NOMO1: variants seen among roughly 807,000 people sequenced by gnomAD.
The protein encoded by NOMO1 is nodal modulator 3.
A neutral mutation model predicts 133.8 loss-of-function variants in NOMO1; 40 were observed. That is an observed-to-expected ratio of 0.30 (90% confidence interval 0.23 to 0.39). The LOEUF is 0.39. Ranked by LOEUF, NOMO1 falls within the 10% of genes least tolerant of loss-of-function variation. The probability of loss-of-function intolerance (pLI) is 1.00; values close to 1 mark genes in which losing one functional copy is unlikely to be tolerated. For synonymous variants in NOMO1, 236 were observed against 570.5 expected, an observed-to-expected ratio of 0.41 and a Z score of 8.36; for missense variants, 462 against 1,419.9, an observed-to-expected ratio of 0.33 and a Z score of 10.84.
intron 29 of NOMO1, among the ~76,000 whole-genome samples, chr16:14,893,637 C>T (rs985985633): frequency 5.3e-5 from 8 of 151,610 alleles, no homozygotes; most frequent in African/African-American, 1.5e-4. Flanking sequence ...GGTACAGCGG[C>T]GCCCACAGTC....
chr16:14,890,592 A>C (rs981294971), intron 29 of NOMO1, among the ~76,000 whole-genome samples: 1 of 59,500 alleles, frequency 1.7e-5, no homozygotes, highest in African/African-American at 4.0e-5. Flanking sequence ...ATAAACAACA[A>C]ACATTTATTT....
At chr16:14,893,361 AT>A (rs1215810851) in intron 29 of NOMO1, among the ~76,000 whole-genome samples, 3 of 151,220 alleles carry the variant, frequency 2.0e-5, no homozygotes, top group Non-Finnish European at 2.9e-5. Flanking sequence ...CTAATTTTGT[AT>A]TTTTATAGAG....
At chr16:14,840,703 C>G (rs1303651960) in intron 2 of NOMO1, among the ~76,000 whole-genome samples, 2 of 149,172 alleles carry the variant, frequency 1.3e-5, no homozygotes, top group African/African-American at 2.5e-5. Context: ...CCTCCGCTGC[C>G]CATGCTGGAG....
chr16:14,842,445 AGCCCT>A (rs1963618862), intron 3 of NOMO1, among the ~76,000 whole-genome samples: 1 of 149,416 alleles, frequency 6.7e-6, no homozygotes, highest in Non-Finnish European at 1.5e-5. Context: ...AGAGGAATGC[AGCCCT>A]GCTCATGGCC....
At chr16:14,839,175 C>T (rs1220114319) in intron 2 of NOMO1, among the ~76,000 whole-genome samples, 1 of 151,816 alleles carries the variant, frequency 6.6e-6, no homozygotes, top group East Asian at 1.9e-4. Flanking sequence ...CTTCCTCAGC[C>T]TCCCAAATAG....
rs1187670893 is a variant in NOMO1 at position 14,841,724 on chromosome 16, C to T, written c.301+317C>T. Among the ~76,000 whole-genome samples the T allele has an allele frequency of 2.6e-5, 4 of 151,814 alleles. 1 individual carries two copies. Among genetic ancestry groups the T allele is most frequent in the South Asian group, 4.2e-4 (2 of 4,800 alleles). On this transcript the variant is annotated intron_variant, in intron 3 of 30. Transcript: ENST00000287667. Reference sequence around the variant, plus strand: ...AAATCAAGAGTGGGGACTTGGTTCCCGTCCCAGGATGGCTTCTTTTTTAGC... The same window carrying T: ...AAATCAAGAGTGGGGACTTGGTTCCTGTCCCAGGATGGCTTCTTTTTTAGC...
chr16:14,883,963 G>A (rs1215634091), intron 26 of NOMO1, among the ~76,000 whole-genome samples: 2 of 150,554 alleles, frequency 1.3e-5, no homozygotes, highest in Admixed American at 6.6e-5. Context: ...ATGTTGGCAA[G>A]TAATTCAAAC....
At chr16:14,891,839 T>C (rs530308834) in intron 29 of NOMO1, among the ~76,000 whole-genome samples, 112 of 152,230 alleles carry the variant, frequency 7.4e-4, no homozygotes, top group Non-Finnish European at 1.4e-3. Flanking sequence ...TGAAGAGTGA[T>C]TCATGCTCAG....
chr16:14,885,063 T>C (rs1964303629), intron 27 of NOMO1, among the ~76,000 whole-genome samples: 1 of 151,904 alleles, frequency 6.6e-6, no homozygotes, highest in African/African-American at 2.4e-5. Context: ...AAGAGAGAGT[T>C]GGGGCATGGT....
At chr16:14,888,713 A>G in intron 28 of NOMO1, 1 of 324,368 alleles carries the variant, frequency 3.1e-6, no homozygotes. Context: ...GTCCCTTTGA[A>G]GTCAGCCCCG....
Position 14,889,085 on chromosome 16 carries a change from T to A in NOMO1, c.3325-11T>A. The A allele has an allele frequency of 1.2e-6, 2 of 1,611,838 alleles. No homozygotes were observed. Among genetic ancestry groups the A allele is most frequent in the South Asian group, 2.2e-5 (2 of 90,956 alleles). On this transcript the variant is annotated splice_polypyrimidine_tract_variant and intron_variant, in intron 28 of 30. Transcript: ENST00000287667. ...TCCTTGTAAAAATAACTTCTTCCCA[T>A]GTGTGCACAGAACTATGTTGTGCTT...
At chr16:14,892,609 TAAAAA>T (rs757049459) in intron 29 of NOMO1, among the ~76,000 whole-genome samples, 1 of 105,820 alleles carries the variant, frequency 9.5e-6, no homozygotes. Context: ...AAAGTATAAT[TAAAAA>T]AAAAAAAAAA....
Position 14,845,581 on chromosome 16 carries a change from C to T in NOMO1, c.402+807C>T, listed in dbSNP as rs968740995. The stretch of plus-strand genomic sequence containing the variant: ...CTAATGGGTGTGTGCCCAGCTCCCG[C>T]GATTCAGATTCTCAGGGGAGAGTCA... On this transcript the variant is annotated intron_variant, in intron 4 of 30. Transcript: ENST00000287667. Among the ~76,000 whole-genome samples, 77 of 152,028 alleles carry T rather than the reference C, an allele frequency of 5.1e-4. 1 individual carries two copies. Among genetic ancestry groups the T allele is most frequent in the Middle Eastern group, 3.4e-3 (1 of 294 alleles).
chr16:14,851,083 C>CA lies in NOMO1; in HGVS notation c.583-1329dup, dbSNP rs61323903. Among the ~76,000 whole-genome samples, 88 of 97,194 alleles carry CA rather than the reference C, an allele frequency of 9.1e-4. No individual in the cohort carries two copies. In the South Asian group the frequency reaches 0.02, roughly 23 times the overall value. 63.8% of individuals were successfully genotyped at this position (97,194 alleles called of 152,430 possible). On this transcript the variant is annotated intron_variant, in intron 6 of 30. Transcript: ENST00000287667. ...TGGGTGACAGAGTGAGACTCCATCTCAAAAAAAAAAAAAAAAAATTTATTC... is the reference window on the plus strand; with the variant it reads ...TGGGTGACAGAGTGAGACTCCATCTCAAAAAAAAAAAAAAAAAAATTTATTC...
chr16:14,839,217 G>A (rs1171790668), intron 2 of NOMO1, among the ~76,000 whole-genome samples: 2 of 151,830 alleles, frequency 1.3e-5, no homozygotes, highest in Admixed American at 6.6e-5. Context: ...ACTACACCCA[G>A]CTAATGTTTT....
intron 26 of NOMO1, among the ~76,000 whole-genome samples, 171 bp from the exon 27 acceptor site, chr16:14,884,201 C>T (rs921612724): frequency 1.3e-5 from 2 of 151,992 alleles, no homozygotes; most frequent in African/African-American, 4.8e-5. Flanking sequence ...CAGGGATAGC[C>T]ATCTTCTGTC....
intron 18 of NOMO1, among the ~76,000 whole-genome samples, chr16:14,874,354 T>C (rs1466479731): frequency 5.3e-5 from 8 of 151,882 alleles, no homozygotes; most frequent in Non-Finnish European, 8.8e-5. Flanking sequence ...GGTGTTGCCA[T>C]TGCTTGAACA....
chr16:14,839,741 T>C (rs1024931225), intron 2 of NOMO1, among the ~76,000 whole-genome samples: 5 of 151,640 alleles, frequency 3.3e-5, no homozygotes, highest in Non-Finnish European at 5.9e-5. Flanking sequence ...ATCTACTGAC[T>C]TTTTTTTCTT....
At chr16:14,864,450 A>G (rs1464666869) in intron 12 of NOMO1, 135 bp from the exon 13 acceptor site, 1 of 1,503,840 alleles carries the variant, frequency 6.6e-7, no homozygotes, top group Non-Finnish European at 9.0e-7. Context: ...GTGATTGTAA[A>G]ATCGGCCTGG....
Sources: gnomAD v4.1 joint callset for allele counts (sites outside exome capture counted in the v4.1 genomes callset) on GRCh38, gnomAD v4.1.1 for gene constraint, MANE v1.5 for transcripts, NCBI Gene and HGNC (gene_info 2026-07-23, HGNC 2026-07-21) for gene names.